Variants in CEP192 observed in about 807,000 individuals in gnomAD.
The protein encoded by CEP192 is centrosomal protein of 192 kDa.
In CEP192, 151 loss-of-function variants were observed where a neutral mutation model predicts 271.8. That is an observed-to-expected ratio of 0.56 (90% confidence interval 0.49 to 0.64). The LOEUF is 0.64. CEP192 is among the 30% of genes least tolerant of loss of function. The pLI is 0.00. For missense variants in CEP192, 2,910 were observed against 3,020.5 expected (o/e 0.96, Z 0.86); for synonymous variants, 995 against 1,076.5 (o/e 0.92, Z 1.48).
intron 27 of CEP192, 100 bp from the exon 28 acceptor site, chr18:13,070,939 C>T (rs2037978722): frequency 1.1e-6 from 1 of 921,324 alleles, no homozygotes; most frequent in African/African-American, 1.6e-5. Flanking sequence ...ATTGTATCCC[C>T]AGCACCCAGT....
chr18:13,016,053 T>C (rs2034628627), intron 6 of CEP192, among the ~76,000 whole-genome samples: 1 of 152,096 alleles, frequency 6.6e-6, no homozygotes, highest in Admixed American at 6.5e-5. Flanking sequence ...GCCAGAACCA[T>C]GAAATATTTG....
Position 13,069,124 on chromosome 18 carries a change from A to G in CEP192, c.4998A>G (p.Arg1666=). Residue 1666 remains arginine (R), a synonymous_variant, in exon 26 of 45, where the codon AGA becomes AGG. Transcript: ENST00000506447. ...MHFLAKVASS[R]KQHLPLKNAG... ...TCTTGGCCAAAGTGGCTTCCTCAAG[A>G]AAGCAGCACTTACCTTTGAAAAATG... 6.2e-7 allele frequency: 1 copy of G among 1,614,176 alleles called. No homozygotes were observed. Among genetic ancestry groups the G allele is most frequent in the Non-Finnish European group, 8.5e-7 (1 of 1,180,028 alleles).
Position 13,049,099 on chromosome 18 carries a change from T to A in CEP192, c.2308T>A (p.Leu770Ile). The change falls in exon 16 of 45, where the codon TTA becomes ATA. Residue 770 changes from leucine (L) to isoleucine (I), a missense_variant. Physicochemically the swap from Leu to Ile is conservative, Grantham distance 5. Coordinates refer to ENST00000506447, the MANE Select transcript of CEP192 (RefSeq NM_032142.4). Reference sequence around the variant, plus strand: ...TGTGCGTCATTTCTTACCTAATGATTTAGAAAAAAGTAATGGATCCAATGC... The same window carrying A: ...TGTGCGTCATTTCTTACCTAATGATATAGAAAAAAGTAATGGATCCAATGC... Reference protein sequence around the residue: ...SHVRHFLPNDLEKSNGSNALD... With the variant: ...SHVRHFLPNDIEKSNGSNALD... 1 of 1,613,964 alleles carries A rather than the reference T, an allele frequency of 6.2e-7. No homozygotes were observed. The highest frequency in any genetic ancestry group is 8.5e-7 in the Non-Finnish European group (1 of 1,179,920).
intron 3 of CEP192, among the ~76,000 whole-genome samples, chr18:13,004,664 T>C (rs577624827): frequency 6.6e-6 from 1 of 151,952 alleles, no homozygotes; most frequent in African/African-American, 2.4e-5. Context: ...AAAAAAAGGA[T>C]GTAAAATTAT....
chr18:13,057,126 G>A (rs898595403), intron 19 of CEP192, among the ~76,000 whole-genome samples: 2 of 152,146 alleles, frequency 1.3e-5, no homozygotes, highest in Non-Finnish European at 2.9e-5. Flanking sequence ...TGGTGCACAC[G>A]GCCACTGGGG....
intron 13 of CEP192, among the ~76,000 whole-genome samples, chr18:13,038,858 T>C (rs761139318): frequency 5.9e-5 from 9 of 152,248 alleles, no homozygotes; most frequent in Non-Finnish European, 1.3e-4. Flanking sequence ...TGACGGTTCA[T>C]GTAAAGCATT....
At chr18:13,081,908 T>C (rs995479558) in intron 30 of CEP192, among the ~76,000 whole-genome samples, 1 of 152,204 alleles carries the variant, frequency 6.6e-6, no homozygotes, top group Non-Finnish European at 1.5e-5. Context: ...CATGTAGTTG[T>C]GCGGTTTTGA....
At position 13,018,549 on chromosome 18, in the gene CEP192, T is replaced by G; in HGVS notation, c.859T>G (p.Ser287Ala). 6.5e-7 allele frequency: 1 copy of G among 1,542,114 alleles called. No homozygotes were observed. The highest frequency in any genetic ancestry group is 8.8e-7 in the Non-Finnish European group (1 of 1,140,218). ...TAACAGCTCTCTGATTTCCCTCGAC[T>G]CACACTCTTCTGAAACAACTCACAA... ...ENNSSLISLDSHSSETTHKES... is the reference protein window; with the variant it reads ...ENNSSLISLDAHSSETTHKES... Residue 287 changes from serine to alanine, a missense_variant, in exon 8 of 45, where the codon TCA becomes GCA. Ser to Ala is a moderately conservative substitution (Grantham distance 99). Coordinates refer to ENST00000506447, the MANE Select transcript of CEP192 (RefSeq NM_032142.4).
intron 30 of CEP192, among the ~76,000 whole-genome samples, chr18:13,084,785 C>G: frequency 6.6e-6 from 1 of 152,060 alleles, no homozygotes; most frequent in Admixed American, 6.5e-5. Flanking sequence ...GCCATTCTCA[C>G]GCATGAGATG....
chr18:13,042,613 A>G (rs2036270185), intron 15 of CEP192, among the ~76,000 whole-genome samples: 1 of 152,238 alleles, frequency 6.6e-6, no homozygotes, highest in Non-Finnish European at 1.5e-5. Context: ...AACATTGCCA[A>G]CAGCTCAGAA....
At chr18:13,072,714 C>T (rs771269522) in intron 28 of CEP192, 41 bp from the exon 29 acceptor site, 3 of 1,312,120 alleles carry the variant, frequency 2.3e-6, no homozygotes, top group Admixed American at 3.4e-5. Flanking sequence ...TAGCAATATC[C>T]ATGGAGAAAA....
intron 21 of CEP192, among the ~76,000 whole-genome samples, chr18:13,065,040 A>G (rs564150032): frequency 5.0e-4 from 76 of 152,238 alleles, no homozygotes; most frequent in Non-Finnish European, 8.4e-4. Flanking sequence ...TATGTGTGGT[A>G]TTGTAAATGG....
intron 44 of CEP192, among the ~76,000 whole-genome samples, chr18:13,120,974 C>A (rs998396438): frequency 3.9e-5 from 6 of 152,176 alleles, no homozygotes; most frequent in Non-Finnish European, 7.3e-5. Context: ...CCTGTGTTGA[C>A]CTTGGAGAAG....
chr18:13,086,098 A>C (rs1352047001), intron 30 of CEP192, among the ~76,000 whole-genome samples: 1 of 152,124 alleles, frequency 6.6e-6, no homozygotes, highest in African/African-American at 2.4e-5. Context: ...GAGGTCATTG[A>C]CTTCCCTTGT....
At chr18:12,995,836 CAG>C (rs2033196423) in intron 1 of CEP192, among the ~76,000 whole-genome samples, 1 of 152,168 alleles carries the variant, frequency 6.6e-6, no homozygotes, top group Admixed American at 6.5e-5. Context: ...GCTGGAGCAT[CAG>C]GGGCTGGGCA....
At position 13,012,974 on chromosome 18, in the gene CEP192, C is replaced by CTCA. The variant is rs1568278643; in HGVS notation, c.469_471dup (p.Ser157dup). Reference sequence around the variant, plus strand: ...GTTTGTTTTTGTTTTCTTACACAGACTCACCTATTGATTTTCATTTACAGT... The same window carrying CTCA: ...GTTTGTTTTTGTTTTCTTACACAGACTCATCACCTATTGATTTTCATTTACAGT... On this transcript the variant is annotated inframe_insertion and splice_region_variant, in exon 5 of 45. Coordinates refer to ENST00000506447, the MANE Select transcript of CEP192 (RefSeq NM_032142.4). 2 of 1,506,728 alleles carry CTCA rather than the reference C, an allele frequency of 1.3e-6. No individual in the cohort carries two copies. Among genetic ancestry groups the CTCA allele is most frequent in the Non-Finnish European group, 1.8e-6 (2 of 1,108,716 alleles). 93.3% of individuals were successfully genotyped at this position (1,506,728 alleles called of 1,614,324 possible). A position where few individuals can be genotyped will look rare whatever the true frequency, so the allele number is the denominator to read the frequency against.
Position 13,114,224 on chromosome 18 carries a change from T to C in CEP192, c.7262T>C (p.Val2421Ala). ...TTAGTTAAGCCCCGAAGACAAGCTG[T>C]GTCAGAGGCTTCTGCTCGCATACCT... ...DHLVKPRRQA[V>A]SEASARIPEQ... Residue 2421 changes from valine (V) to alanine (A), a missense_variant, in exon 42 of 45, where the codon GTG becomes GCG. Transcript: ENST00000506447. The C allele has an allele frequency of 2.0e-5, 32 of 1,613,956 alleles. No homozygotes were observed. The highest frequency in any genetic ancestry group is 2.7e-5 in the Non-Finnish European group (32 of 1,179,980).
In CEP192 at chr18:13,073,324, G is replaced by C. The variant is rs1487450870; in HGVS notation, c.5616+139G>C. 7 of 752,388 alleles carry C rather than the reference G, an allele frequency of 9.3e-6. No homozygotes were observed. The East Asian group carries it at 1.9e-4, about 20-fold the overall frequency. The allele number at this position is 752,388 out of a possible 1,614,324, so 46.6% of individuals were successfully genotyped here. A position where few individuals can be genotyped will look rare whatever the true frequency, so the allele number is the denominator to read the frequency against. On this transcript the variant is annotated intron_variant, in intron 30 of 44. Transcript: ENST00000506447. ...TCTAGACTTACAAACAAGTTAGGGA[G>C]TAATTTATATGCTTTGTAGAATTGG...
chr18:13,015,547 T>G, intron 6 of CEP192, 99 bp downstream of exon 6: 1 of 1,166,624 alleles, frequency 8.6e-7, no homozygotes, highest in Non-Finnish European at 1.2e-6. Flanking sequence ...TTGGGTTTTT[T>G]GTCCTTACCT....
Sources: allele counts gnomAD v4.1 joint callset (sites outside exome capture counted in the v4.1 genomes callset), GRCh38; gene constraint gnomAD v4.1.1; transcripts MANE v1.5; gene names NCBI Gene and HGNC (gene_info 2026-07-23, HGNC 2026-07-21).